TTC28: variants seen among roughly 807,000 people sequenced by gnomAD.
TTC28 encodes the protein tetratricopeptide repeat domain 28.
Under a neutral mutation model 198.0 loss-of-function variants are expected in TTC28, and 61 were observed. The ratio of observed to expected loss-of-function variants is 0.31; its 90% CI spans 0.25 to 0.38. The LOEUF (loss-of-function observed/expected upper bound fraction) is 0.38, where lower values mean the gene tolerates loss of function less well. Ranked by LOEUF, TTC28 falls within the 10% of genes least tolerant of loss-of-function variation. The pLI, the probability that TTC28 is intolerant of heterozygous loss-of-function variation, is 1.00. For missense variants in TTC28, 2,678 were observed against 3,164.0 expected, an observed-to-expected ratio of 0.85 and a Z score of 3.69; for synonymous variants, 1,171 against 1,297.8, an observed-to-expected ratio of 0.90 and a Z score of 2.10.
At chr22:28,219,236 T>G (rs892143989) in intron 5 of TTC28, among the ~76,000 whole-genome samples, 1 of 152,002 alleles carries the variant, frequency 6.6e-6, no homozygotes, top group East Asian at 1.9e-4. Context: ...CGTCTGGGCG[T>G]GGTGGCTCAC....
chr22:28,624,970 T>C (rs897308313), intron 2 of TTC28, among the ~76,000 whole-genome samples: 3 of 152,268 alleles, frequency 2.0e-5, no homozygotes, highest in South Asian at 2.1e-4. Flanking sequence ...ATCAATTTAA[T>C]TTACCATATT....
intron 13 of TTC28, among the ~76,000 whole-genome samples, chr22:28,016,265 G>A (rs1041125795): frequency 3.3e-5 from 5 of 152,168 alleles, no homozygotes; most frequent in African/African-American, 7.2e-5. Flanking sequence ...AGATAACCCC[G>A]GAGTGACACT....
chr22:28,199,383 T>TTATATATATATA (rs34398046), intron 5 of TTC28, among the ~76,000 whole-genome samples: 62 of 118,494 alleles, frequency 5.2e-4, no homozygotes, highest in South Asian at 1.1e-3. Flanking sequence ...ACATTAAAAA[T>TTATATATATATA]TATATATATA....
intron 8 of TTC28, among the ~76,000 whole-genome samples, chr22:28,101,559 C>G (rs55961693): frequency 0.057 from 8,637 of 151,972 alleles, 256 homozygotes; most frequent in Middle Eastern, 0.065. Flanking sequence ...CAGGGTTTCA[C>G]CATGTTGCCC....
At chr22:27,987,355 G>T (rs1439659622) in intron 21 of TTC28, among the ~76,000 whole-genome samples, 1 of 152,216 alleles carries the variant, frequency 6.6e-6, no homozygotes, top group Non-Finnish European at 1.5e-5. Context: ...AGCAGGGAGT[G>T]TGCAGGGGAG....
chr22:28,067,338 G>T (rs867151250), intron 12 of TTC28, among the ~76,000 whole-genome samples: 1 of 152,242 alleles, frequency 6.6e-6, no homozygotes, highest in East Asian at 1.9e-4. Flanking sequence ...CAGAGGCCCA[G>T]GCATGTAGTA....
intron 6 of TTC28, among the ~76,000 whole-genome samples, chr22:28,161,110 G>T (rs1921124779): frequency 6.6e-6 from 1 of 152,082 alleles, no homozygotes; most frequent in African/African-American, 2.4e-5. Context: ...GAGTCAAAGA[G>T]AAATCACAAA....
At chr22:28,578,084 C>T (rs1601586925) in intron 2 of TTC28, among the ~76,000 whole-genome samples, 1 of 152,160 alleles carries the variant, frequency 6.6e-6, no homozygotes, top group African/African-American at 2.4e-5. Flanking sequence ...GTGATTTCCT[C>T]AGGTGATACT....
chr22:28,099,298 C>T (rs1227402194), intron 9 of TTC28, among the ~76,000 whole-genome samples: 2 of 152,226 alleles, frequency 1.3e-5, no homozygotes, highest in African/African-American at 4.8e-5. Flanking sequence ...CATCATGTAA[C>T]GACACCATGT....
At chr22:28,422,874 A>G (rs2047282995) in intron 2 of TTC28, among the ~76,000 whole-genome samples, 1 of 152,226 alleles carries the variant, frequency 6.6e-6, no homozygotes, top group East Asian at 1.9e-4. Context: ...ATTTTAAAAT[A>G]TGTATTGTTA....
At chr22:28,243,817 G>A (rs1467827978) in intron 5 of TTC28, among the ~76,000 whole-genome samples, 1 of 152,118 alleles carries the variant, frequency 6.6e-6, no homozygotes, top group Non-Finnish European at 1.5e-5. Flanking sequence ...AATAAATGTA[G>A]AATAGCTGTC....
chr22:28,594,651 G>A (rs1032493807), intron 2 of TTC28, among the ~76,000 whole-genome samples: 5 of 151,618 alleles, frequency 3.3e-5, no homozygotes, highest in Admixed American at 6.5e-5. Flanking sequence ...ATAAAGCGAG[G>A]TGCTCCTATG....
At chr22:28,080,531 T>TTTGTTGTTGTTG (rs144270652) in intron 12 of TTC28, among the ~76,000 whole-genome samples, 2,277 of 152,000 alleles carry the variant, frequency 0.015, 28 homozygotes, top group African/African-American at 0.033. Context: ...TAAATTGGAT[T>TTTGTTGTTGTTG]TTGTTGTTGT....
chr22:28,291,123 C>T (rs2044780709), intron 5 of TTC28, among the ~76,000 whole-genome samples: 1 of 151,862 alleles, frequency 6.6e-6, no homozygotes, highest in African/African-American at 2.4e-5. Flanking sequence ...TTCCAATAGA[C>T]ACCCCAATGA....
At chr22:28,485,286 T>C (rs1431900563) in intron 2 of TTC28, among the ~76,000 whole-genome samples, 1 of 152,192 alleles carries the variant, frequency 6.6e-6, no homozygotes, top group African/African-American at 2.4e-5. Context: ...TTACATTTCA[T>C]TTTTAGTTAC....
intron 2 of TTC28, among the ~76,000 whole-genome samples, chr22:28,378,847 G>A (rs1040513437): frequency 6.6e-6 from 1 of 152,164 alleles, no homozygotes; most frequent in Non-Finnish European, 1.5e-5. Context: ...CTCCAAAGGA[G>A]AAGAGAGACA....
chr22:28,409,052 T>A (rs1056885104), intron 2 of TTC28, among the ~76,000 whole-genome samples: 1 of 152,246 alleles, frequency 6.6e-6, no homozygotes, highest in Non-Finnish European at 1.5e-5. Flanking sequence ...CGTTGCTTCC[T>A]TGTCCTCCTT....
At chr22:28,469,649 A>G (rs2048072901) in intron 2 of TTC28, among the ~76,000 whole-genome samples, 1 of 152,170 alleles carries the variant, frequency 6.6e-6, no homozygotes, top group Non-Finnish European at 1.5e-5. Context: ...GAGAATATGA[A>G]TAAAGGCAGG....
chr22:28,648,598 C>T (rs530909823), intron 1 of TTC28, among the ~76,000 whole-genome samples: 2 of 152,286 alleles, frequency 1.3e-5, no homozygotes, highest in East Asian at 3.9e-4. Context: ...AACCTAAATG[C>T]CCACTGATGA....
Sources: allele counts gnomAD v4.1 joint callset (sites outside exome capture counted in the v4.1 genomes callset), GRCh38; gene constraint gnomAD v4.1.1; transcripts MANE v1.5; gene names NCBI Gene and HGNC (gene_info 2026-07-23, HGNC 2026-07-21).